The following COL5A3 variants were observed in gnomAD, a reference collection of about 807,000 sequenced individuals.
The protein encoded by COL5A3 is collagen type V alpha 3 chain.
In COL5A3, 172 loss-of-function variants were observed where a neutral mutation model predicts 250.0. The ratio of observed to expected loss-of-function variants is 0.69; its 90% CI spans 0.61 to 0.78. The LOEUF is 0.78. Among genes scored for constraint, COL5A3 ranks in the 30% least tolerant of loss-of-function variants. The probability of loss-of-function intolerance (pLI) is 0.00; values close to 1 mark genes in which losing one functional copy is unlikely to be tolerated. For synonymous variants in COL5A3, 937 were observed against 900.4 expected (o/e 1.04, Z -0.73); for missense variants, 2,340 against 2,334.4 (o/e 1.00, Z -0.05).
intron 31 of COL5A3, among the ~76,000 whole-genome samples, chr19:9,983,631 A>AAGAG (rs139883377): frequency 7.8e-6 from 1 of 127,398 alleles, no homozygotes; most frequent in Non-Finnish European, 1.7e-5. Flanking sequence ...AGAAAGAAAG[A>AAGAG]AGAGAGAGAG....
chr19:9,999,034 T>G (rs28635798), intron 8 of COL5A3, among the ~76,000 whole-genome samples: 2 of 101,892 alleles, frequency 2.0e-5, no homozygotes, highest in Non-Finnish European at 3.9e-5. Context: ...TTCTCTTTCT[T>G]TTTCTTTCTC....
chr19:10,005,795 C>T lies in COL5A3; in HGVS notation c.437+1G>A. On this transcript the variant is annotated splice_donor_variant, in intron 3 of 66. Coordinates refer to ENST00000264828, the MANE Select transcript of COL5A3 (RefSeq NM_015719.4). LOFTEE classifies it high-confidence loss of function. ...CCCCCGCCCACTCTCCCCATGCTCACCTGCCATCTGTGAGGTTGACCTGCT... is the reference window on the plus strand; with the variant it reads ...CCCCCGCCCACTCTCCCCATGCTCATCTGCCATCTGTGAGGTTGACCTGCT... 2 of 1,609,506 alleles carry T rather than the reference C, an allele frequency of 1.2e-6. No homozygotes were observed. The highest frequency in any genetic ancestry group is 1.7e-6 in the Non-Finnish European group (2 of 1,177,146).
At position 10,001,900 on chromosome 19, in the gene COL5A3, G is replaced by T; in HGVS notation, c.850-19C>A. On this transcript the variant is annotated intron_variant, in intron 6 of 66. Transcript: ENST00000264828. ...TGGAGGTCTGGAGCAGGGATGGAGGGAGCCTTGGGTCTCGGGTGAGGGCAA... is the reference window on the plus strand; with the variant it reads ...TGGAGGTCTGGAGCAGGGATGGAGGTAGCCTTGGGTCTCGGGTGAGGGCAA... 6.3e-7 allele frequency: 1 copy of T among 1,581,044 alleles called. No individual in the cohort carries two copies. Among genetic ancestry groups the T allele is most frequent in the Non-Finnish European group, 8.7e-7 (1 of 1,150,730 alleles).
intron 57 of COL5A3, 35 bp downstream of exon 57, chr19:9,969,314 A>T (rs372588494): frequency 1.9e-4 from 295 of 1,559,820 alleles, no homozygotes; most frequent in Non-Finnish European, 1.9e-4. Context: ...AGTGGTCCTC[A>T]GAGCCAGAAC....
At chr19:9,973,061 G>A (rs2086875849) in intron 50 of COL5A3, 35 bp from the exon 51 acceptor site, 2 of 1,541,216 alleles carry the variant, frequency 1.3e-6, no homozygotes, top group South Asian at 1.2e-5. Flanking sequence ...AGAGTGGCCT[G>A]GACTCTCCAG....
At chr19:9,999,040 T>TTCTCTTTCTTTCTA (rs1568429413) in intron 8 of COL5A3, among the ~76,000 whole-genome samples, 1 of 145,078 alleles carries the variant, frequency 6.9e-6, no homozygotes, top group African/African-American at 2.8e-5. Context: ...TTCTTTTTCT[T>TTCTCTTTCTTTCTA]TCTCTTTCTT....
Position 9,974,281 on chromosome 19 carries a change from C to T in COL5A3, c.3450+20G>A. On this transcript the variant is annotated intron_variant, in intron 46 of 66. Transcript: ENST00000264828. The stretch of plus-strand genomic sequence containing the variant: ...AGGTAGGGAGAATCAGAAGTGCCAC[C>T]CCCAAACCCAGACACCCACCTGCAG... 1 of 1,609,982 alleles carries T rather than the reference C, an allele frequency of 6.2e-7. No homozygotes were observed. The highest frequency in any genetic ancestry group is 1.1e-5 in the South Asian group (1 of 90,370).
In COL5A3 at chr19:9,968,364, C is replaced by T. The variant is rs369471692; in HGVS notation, c.4314+21G>A. ...CCCCCTCCTTCAAATGCATTCTTCC[C>T]GCTCAGGTCAGGACACTCACAGGGT... is the stretch of plus-strand genomic sequence containing the variant. On this transcript the variant is annotated intron_variant, in intron 59 of 66. Transcript: ENST00000264828. The surrounding 1 kb of genome is among the most constrained non-coding windows in gnomAD (Gnocchi z 4.1). 1.0e-4 allele frequency: 161 copies of T among 1,553,836 alleles called. 1 individual carries two copies. In the Middle Eastern group the frequency reaches 1.4e-3, roughly 13 times the overall value.
chr19:9,993,122 C>A, intron 19 of COL5A3, 55 bp from the exon 20 acceptor site: 2 of 1,579,596 alleles, frequency 1.3e-6, no homozygotes, highest in South Asian at 1.1e-5. Flanking sequence ...CGGAGAGCCA[C>A]CTCCCCTCAT....
rs748517218 is a variant in COL5A3 at position 9,972,888 on chromosome 19, A to G, written c.3774+31T>C. ...CAAGTACATTCAAGTGCCCCCTCCCATGTCTGCCCCCACTTCCCCCCAGGA... is the reference window on the plus strand; with the variant it reads ...CAAGTACATTCAAGTGCCCCCTCCCGTGTCTGCCCCCACTTCCCCCCAGGA... On this transcript the variant is annotated intron_variant, in intron 51 of 66. Transcript: ENST00000264828. 22 of 1,476,442 alleles carry G rather than the reference A, an allele frequency of 1.5e-5. 1 individual carries two copies. In the South Asian group the frequency reaches 2.8e-4, roughly 19 times the overall value. 91.5% of individuals were successfully genotyped at this position (1,476,442 alleles called of 1,614,324 possible). A position where few individuals can be genotyped will look rare whatever the true frequency, so the allele number is the denominator to read the frequency against.
intron 19 of COL5A3, 84 bp downstream of exon 19, chr19:9,993,296 G>T: frequency 6.8e-7 from 1 of 1,476,324 alleles, no homozygotes; most frequent in Non-Finnish European, 9.5e-7. Flanking sequence ...TGGCCACTGA[G>T]ACCTCCAGAT....
intron 65 of COL5A3, among the ~76,000 whole-genome samples, chr19:9,961,637 C>T (rs2086673899): frequency 6.6e-6 from 1 of 150,708 alleles, no homozygotes; most frequent in Admixed American, 6.7e-5. Flanking sequence ...CAGCTCACTG[C>T]AAGCTCCGCC....
Position 9,966,692 on chromosome 19 carries a change from G to A in COL5A3, c.4513C>T (p.Pro1505Ser). 1 of 1,538,512 alleles carries A rather than the reference G, an allele frequency of 6.5e-7. No homozygotes were observed. The highest frequency in any genetic ancestry group is 2.4e-5 in the East Asian group (1 of 41,090). Residue 1505 changes from proline to serine, a missense_variant, in exon 63 of 67, where the codon CCG (proline) becomes TCG (serine). This residue lies in a region of COL5A3 where 1,179 missense variants were observed against 1,162.6 expected (regional missense o/e 1.01). Transcript: ENST00000264828. ...AGGCCGCCCTCCACGACTGGAAGCG[G>A]GACTGGGACGAAGCGCCGGCGCCTG... ...LRRRRRFVPV[P>S]LPVVEGGLEE...
At position 9,960,819 on chromosome 19, in the gene COL5A3, G is replaced by A. The variant is rs769419424; in HGVS notation, c.4923C>T (p.Ala1641=). ...VQLNFLKLLS[A]TARQNFTYSC... is the part of the protein sequence containing the mutation. Reference sequence around the variant, plus strand: ...AGTAGGTGAAGTTCTGGCGAGCTGTGGCACTCAGCAGTTTCAGGAAGTTCA... The same window carrying A: ...AGTAGGTGAAGTTCTGGCGAGCTGTAGCACTCAGCAGTTTCAGGAAGTTCA... Residue 1641 remains alanine (A), a synonymous_variant, in exon 66 of 67, where the codon GCC becomes GCT. Transcript: ENST00000264828. 13 of 1,613,318 alleles carry A rather than the reference G, an allele frequency of 8.1e-6. No homozygotes were observed. In the South Asian group the frequency reaches 1.3e-4, roughly 16 times the overall value.
intron 65 of COL5A3, among the ~76,000 whole-genome samples, chr19:9,961,997 G>A (rs867113398): frequency 1.3e-5 from 2 of 152,138 alleles, no homozygotes; most frequent in Middle Eastern, 3.4e-3. Flanking sequence ...TCTAAATATA[G>A]AGCAAATATT....
chr19:9,996,481 T>C lies in COL5A3; in HGVS notation c.1374A>G (p.Pro458=). 2 of 1,614,018 alleles carry C rather than the reference T, an allele frequency of 1.2e-6. No individual in the cohort carries two copies. Among genetic ancestry groups the C allele is most frequent in the Non-Finnish European group, 1.7e-6 (2 of 1,179,984 alleles). Residue 458 remains proline, a synonymous_variant, in exon 13 of 67, where the codon CCA becomes CCG. Transcript: ENST00000264828. ...GAGCCTGGGCCTGCTGGAATGAGAC[T>C]GGGGGGCCTTTAAAGGAGCCGCCTG... ...QFAGGSFKGP[P]VSFQQAQAQA...
Position 10,004,138 on chromosome 19 carries a change from A to G in COL5A3, c.602T>C (p.Ile201Thr). 6.2e-7 allele frequency: 1 copy of G among 1,613,338 alleles called. No individual in the cohort carries two copies. The stretch of plus-strand genomic sequence containing the variant: ...ATCTGGGCTTATCAGCAGCTCCTGA[A>G]TGTCTCCCTGGGGGTTGGGGGTGTA... ...DLGEKTFEGD[I>T]QELLISPDPQ... The change falls in exon 5 of 67, where the codon ATT becomes ACT. Residue 201 changes from isoleucine (I) to threonine (T), a missense_variant. Ile to Thr is a moderately conservative substitution (Grantham distance 89). Coordinates refer to ENST00000264828, the MANE Select transcript of COL5A3 (RefSeq NM_015719.4).
intron 45 of COL5A3, among the ~76,000 whole-genome samples, chr19:9,976,352 T>C (rs945359052): frequency 2.0e-5 from 3 of 151,994 alleles, no homozygotes; most frequent in Non-Finnish European, 2.9e-5. Context: ...TGAGTTCATA[T>C]TGAGTGTCGG....
chr19:9,994,694 C>G (rs116330148), intron 16 of COL5A3, among the ~76,000 whole-genome samples: 2,577 of 148,536 alleles, frequency 0.017, 76 homozygotes, highest in African/African-American at 0.061. Flanking sequence ...ATAGAATGCA[C>G]TTACACAACT....
Sources: allele counts gnomAD v4.1 joint callset (sites outside exome capture counted in the v4.1 genomes callset), GRCh38; gene constraint gnomAD v4.1.1; regional missense constraint gnomAD v4.1.1; non-coding constraint Gnocchi (gnomAD v3.1); transcripts MANE v1.5; gene names NCBI Gene and HGNC (gene_info 2026-07-23, HGNC 2026-07-21).